The following FMN1 variants were observed in gnomAD, a reference collection of about 807,000 sequenced individuals.
FMN1 encodes the protein formin-1.
FMN1 carries 110 observed loss-of-function variants against 132.4 expected under a neutral mutation model. The observed-to-expected ratio is 0.83, with a 90% CI of 0.71 to 0.97. FMN1 has a LOEUF of 0.97. Ranked by LOEUF, FMN1 falls within the 50% of genes least tolerant of loss-of-function variation. The pLI, the probability that FMN1 is intolerant of heterozygous loss-of-function variation, is 0.00. For synonymous variants in FMN1, 722 were observed against 651.7 expected (o/e 1.11, Z -1.64); for missense variants, 1,792 against 1,705.3 (o/e 1.05, Z -0.90).
intron 4 of FMN1, among the ~76,000 whole-genome samples, chr15:33,123,054 G>C (rs1566935857): frequency 1.3e-5 from 2 of 151,158 alleles, no homozygotes; most frequent in Non-Finnish European, 2.9e-5. Context: ...TAGGTTTACA[G>C]CATCTCCACA....
At chr15:33,095,009 G>A (rs1007358480) in intron 4 of FMN1, among the ~76,000 whole-genome samples, 37 of 152,218 alleles carry the variant, frequency 2.4e-4, no homozygotes, top group African/African-American at 8.9e-4. Context: ...TTAGATGTTA[G>A]TACTTCAAAT....
intron 9 of FMN1, among the ~76,000 whole-genome samples, chr15:32,935,623 T>C (rs2061246683): frequency 6.6e-6 from 1 of 151,764 alleles, no homozygotes; most frequent in African/African-American, 2.4e-5. Flanking sequence ...TCCCTTAGAC[T>C]TTCTTTACTC....
rs1595998657 is a variant in FMN1 at position 32,818,082 on chromosome 15, C to T, written c.3929-13750G>A. 2.0e-5 allele frequency among the ~76,000 whole-genome samples: 3 copies of T among 152,196 alleles called. No homozygotes were observed. In the Middle Eastern group the frequency reaches 0.01, roughly 518 times the overall value. ...TAAGACTTTCTCTGAGCAATGGCCA[C>T]TATTAATATGCTGATTCATTTCATA... On this transcript the variant is annotated intron_variant, in intron 17 of 20. Coordinates refer to ENST00000616417, the MANE Select transcript of FMN1 (RefSeq NM_001277313.2).
chr15:33,040,454 C>G lies in FMN1; in HGVS notation c.2161+24503G>C, dbSNP rs140079101. Among the ~76,000 whole-genome samples the G allele has an allele frequency of 2.1e-3, 324 of 152,310 alleles. 1 individual carries two copies. The highest frequency in any genetic ancestry group is 7.5e-3 in the African/African-American group (312 of 41,576). On this transcript the variant is annotated intron_variant, in intron 6 of 20. Transcript: ENST00000616417. ...GAAAAAAACCATTAAGTGCTTGATT[C>G]CAAGTACCTGTCAAACTTAGCAGAA...
intron 6 of FMN1, among the ~76,000 whole-genome samples, chr15:33,035,349 TA>T (rs970740759): frequency 6.6e-6 from 1 of 152,200 alleles, no homozygotes; most frequent in Non-Finnish European, 1.5e-5. Flanking sequence ...ACGATTAAAA[TA>T]AAAAATGATT....
intron 19 of FMN1, among the ~76,000 whole-genome samples, chr15:32,789,444 T>C (rs1349322226): frequency 2.0e-5 from 3 of 152,322 alleles, no homozygotes; most frequent in Middle Eastern, 3.4e-3. Context: ...GTAAATATTA[T>C]AGTAGTTTTA....
intron 4 of FMN1, among the ~76,000 whole-genome samples, chr15:33,095,533 A>AAC (rs1282271536): frequency 2.0e-5 from 3 of 152,048 alleles, no homozygotes; most frequent in Admixed American, 6.6e-5. Context: ...TAGCTGGGAC[A>AAC]ACAGGTGTGC....
chr15:32,948,742 T>C (rs1265663670), intron 9 of FMN1, among the ~76,000 whole-genome samples: 1 of 152,076 alleles, frequency 6.6e-6, no homozygotes, highest in East Asian at 1.9e-4. Flanking sequence ...ATGCTTGTTT[T>C]GCTCAATCTT....
At chr15:33,179,421 T>C (rs377093877) in intron 3 of FMN1, among the ~76,000 whole-genome samples, 7 of 152,224 alleles carry the variant, frequency 4.6e-5, no homozygotes, top group African/African-American at 1.4e-4. Context: ...TCCTTTTGCC[T>C]GAACTGCCCC....
chr15:33,011,513 G>T (rs992268725), intron 6 of FMN1, among the ~76,000 whole-genome samples: 19 of 150,738 alleles, frequency 1.3e-4, no homozygotes, highest in African/African-American at 4.6e-4. Context: ...TACAGCCTCA[G>T]GATAGAAAAA....
At chr15:32,928,709 C>T (rs556145238) in intron 9 of FMN1, among the ~76,000 whole-genome samples, 1 of 151,936 alleles carries the variant, frequency 6.6e-6, no homozygotes, top group Non-Finnish European at 1.5e-5. Flanking sequence ...CCATGGCATA[C>T]ACATCAATGA....
intron 5 of FMN1, among the ~76,000 whole-genome samples, chr15:33,069,995 T>A (rs113217906): frequency 5.9e-5 from 2 of 33,620 alleles, no homozygotes; most frequent in African/African-American, 2.0e-4. Flanking sequence ...GTCTTTCTCT[T>A]TTTTTTTTTT....
intron 17 of FMN1, among the ~76,000 whole-genome samples, chr15:32,842,505 C>A (rs1194173673): frequency 6.6e-6 from 1 of 152,202 alleles, no homozygotes; most frequent in Non-Finnish European, 1.5e-5. Flanking sequence ...ATTCCTATTA[C>A]CAATCGGCTA....
At chr15:33,031,791 C>CTTA (rs2141069019) in intron 6 of FMN1, among the ~76,000 whole-genome samples, 1 of 152,280 alleles carries the variant, frequency 6.6e-6, no homozygotes, top group Non-Finnish European at 1.5e-5. Context: ...ACTGTGGTAA[C>CTTA]AGATGTCACA....
chr15:32,991,566 A>G (rs2140856490), intron 7 of FMN1, among the ~76,000 whole-genome samples: 1 of 152,244 alleles, frequency 6.6e-6, no homozygotes. Context: ...TCTCCTCTGC[A>G]GGGCTGTCTC....
At chr15:33,018,923 C>T (rs374690995) in intron 6 of FMN1, among the ~76,000 whole-genome samples, 2 of 152,300 alleles carry the variant, frequency 1.3e-5, no homozygotes, top group East Asian at 3.9e-4. Context: ...AGTGAAGCTG[C>T]AGACCTTCCT....
chr15:33,189,877 T>C (rs1207063760), intron 2 of FMN1, among the ~76,000 whole-genome samples: 1 of 152,204 alleles, frequency 6.6e-6, no homozygotes, highest in African/African-American at 2.4e-5. Context: ...TGAGGACATT[T>C]TTCTCAGAAT....
intron 16 of FMN1, among the ~76,000 whole-genome samples, chr15:32,877,050 C>A (rs1181028326): frequency 6.6e-6 from 1 of 152,130 alleles, no homozygotes; most frequent in Admixed American, 6.5e-5. Context: ...CTTTGGGATG[C>A]CAAGGCAGGT....
At chr15:32,961,423 C>G (rs958762955) in intron 9 of FMN1, among the ~76,000 whole-genome samples, 1 of 152,122 alleles carries the variant, frequency 6.6e-6, no homozygotes, top group East Asian at 1.9e-4. Flanking sequence ...CATGAGCCAC[C>G]GTACCCGGCC....
Sources: gnomAD v4.1 joint callset for allele counts (sites outside exome capture counted in the v4.1 genomes callset) on GRCh38, gnomAD v4.1.1 for gene constraint, MANE v1.5 for transcripts, NCBI Gene and HGNC (gene_info 2026-07-23, HGNC 2026-07-21) for gene names.